KIAA1549L: variants seen among roughly 807,000 people sequenced by gnomAD.
KIAA1549L encodes UPF0606 protein KIAA1549L.
A neutral mutation model predicts 160.7 loss-of-function variants in KIAA1549L; 88 were observed. The observed-to-expected ratio is 0.55, with a 90% confidence interval of 0.46 to 0.65. The LOEUF (loss-of-function observed/expected upper bound fraction) is 0.65. KIAA1549L is among the 30% of genes least tolerant of loss of function. The pLI is 0.00. For missense variants in KIAA1549L, 2,258 were observed against 2,437.5 expected, an observed-to-expected ratio of 0.93 and a Z score of 1.55; for synonymous variants, 950 against 976.7, an observed-to-expected ratio of 0.97 and a Z score of 0.51.
At chr11:33,608,846 C>A (rs1226680839) in intron 14 of KIAA1549L, among the ~76,000 whole-genome samples, 1 of 152,238 alleles carries the variant, frequency 6.6e-6, no homozygotes, top group Non-Finnish European at 1.5e-5. Context: ...GAGCCTGACA[C>A]AGATTGTCTT....
chr11:33,657,117 G>C (rs1852092135), intron 18 of KIAA1549L, among the ~76,000 whole-genome samples: 1 of 151,500 alleles, frequency 6.6e-6, no homozygotes, highest in Non-Finnish European at 1.5e-5. Context: ...GGAACAGTGT[G>C]TGGGAAGCCA....
At chr11:33,445,150 A>G (rs1029934778) in intron 1 of KIAA1549L, among the ~76,000 whole-genome samples, 4 of 152,310 alleles carry the variant, frequency 2.6e-5, no homozygotes, top group African/African-American at 9.6e-5. Flanking sequence ...GGGCAGGGCC[A>G]TGGTGAGGAA....
chr11:33,452,944 C>T (rs1851751108), intron 1 of KIAA1549L, among the ~76,000 whole-genome samples: 1 of 152,210 alleles, frequency 6.6e-6, no homozygotes, highest in Non-Finnish European at 1.5e-5. Context: ...CCTGCGGACA[C>T]ACTCCCTCCT....
chr11:33,622,746 G>A (rs548514656), intron 16 of KIAA1549L, among the ~76,000 whole-genome samples: 2 of 152,190 alleles, frequency 1.3e-5, no homozygotes, highest in Non-Finnish European at 1.5e-5. Flanking sequence ...AGGCAAAAGC[G>A]AGAGGAGAGA....
intron 17 of KIAA1549L, among the ~76,000 whole-genome samples, chr11:33,654,590 G>T (rs549846606): frequency 6.6e-6 from 1 of 152,316 alleles, no homozygotes; most frequent in South Asian, 2.1e-4. Flanking sequence ...TGTGTTGGAG[G>T]TGAGTGCCTC....
chr11:33,420,238 T>G (rs1590232208), intron 1 of KIAA1549L, among the ~76,000 whole-genome samples: 1 of 148,070 alleles, frequency 6.8e-6, no homozygotes, highest in African/African-American at 2.5e-5. Context: ...TTTTTTTGTT[T>G]TTTTTTTTTT....
intron 13 of KIAA1549L, among the ~76,000 whole-genome samples, chr11:33,600,133 A>T (rs1464983312): frequency 6.6e-6 from 1 of 152,186 alleles, no homozygotes; most frequent in Non-Finnish European, 1.5e-5. Context: ...TTTAAAGTTT[A>T]AACTGTCATA....
intron 1 of KIAA1549L, among the ~76,000 whole-genome samples, chr11:33,452,970 T>G (rs951185390): frequency 2.0e-5 from 3 of 152,244 alleles, no homozygotes; most frequent in Non-Finnish European, 4.4e-5. Context: ...TTTTGGTGAC[T>G]CAGACATGGC....
At chr11:33,612,514 T>C (rs7927745) in intron 15 of KIAA1549L, among the ~76,000 whole-genome samples, 113,609 of 152,140 alleles carry the variant, frequency 0.75, 43,529 homozygotes, top group African/African-American at 0.93. Context: ...GCCTTGGCCT[T>C]CCAGAGTGCT....
intron 1 of KIAA1549L, among the ~76,000 whole-genome samples, chr11:33,427,506 G>T (rs1851143491): frequency 6.6e-6 from 1 of 152,080 alleles, no homozygotes; most frequent in Non-Finnish European, 1.5e-5. Flanking sequence ...CCCCTTCGCT[G>T]CTATACTCCC....
intron 1 of KIAA1549L, among the ~76,000 whole-genome samples, chr11:33,532,402 GC>G (rs1353398650): frequency 6.6e-6 from 1 of 152,078 alleles, no homozygotes; most frequent in South Asian, 2.1e-4. Flanking sequence ...AATAATAACA[GC>G]AACAGTAGTA....
At chr11:33,603,423 G>A (rs994254632) in intron 13 of KIAA1549L, among the ~76,000 whole-genome samples, 1 of 152,102 alleles carries the variant, frequency 6.6e-6, no homozygotes, top group Admixed American at 6.6e-5. Context: ...AGAGAACTGG[G>A]CATATAGAGA....
At chr11:33,650,085 C>A (rs1851842632) in intron 17 of KIAA1549L, among the ~76,000 whole-genome samples, 1 of 152,142 alleles carries the variant, frequency 6.6e-6, no homozygotes, top group South Asian at 2.1e-4. Context: ...GCACCAGTCA[C>A]TGTTGACAGA....
chr11:33,402,878 T>A (rs919387517), intron 1 of KIAA1549L, among the ~76,000 whole-genome samples: 2 of 152,210 alleles, frequency 1.3e-5, no homozygotes, highest in African/African-American at 4.8e-5. Context: ...GGACTTCCTC[T>A]TGCTGCTAGG....
intron 7 of KIAA1549L, among the ~76,000 whole-genome samples, chr11:33,560,789 A>G (rs187688004): frequency 1.3e-3 from 199 of 152,356 alleles, no homozygotes; most frequent in African/African-American, 4.6e-3. Context: ...GTAAATAAAC[A>G]AGATAATACG....
Position 33,609,729 on chromosome 11 carries a change from G to C in KIAA1549L, c.5062-20G>C. The C allele has an allele frequency of 1.3e-6, 2 of 1,583,526 alleles. No individual in the cohort carries two copies. The highest frequency in any genetic ancestry group is 1.7e-6 in the Non-Finnish European group (2 of 1,164,480). On this transcript the variant is annotated intron_variant, in intron 14 of 20. Coordinates refer to ENST00000658780, the MANE Select transcript of KIAA1549L (RefSeq NM_012194.3). Reference sequence around the variant, plus strand: ...GCCCCACTGGGTCAGGTTTGGGCCTGAGACTGCCTCTCTCCCCAGGTGAAC... The same window carrying C: ...GCCCCACTGGGTCAGGTTTGGGCCTCAGACTGCCTCTCTCCCCAGGTGAAC...
chr11:33,457,745 G>A (rs557194682), intron 1 of KIAA1549L, among the ~76,000 whole-genome samples: 1 of 152,196 alleles, frequency 6.6e-6, no homozygotes, highest in Non-Finnish European at 1.5e-5. Context: ...TCGAGGTGGT[G>A]ATGTCTTCTG....
intron 8 of KIAA1549L, among the ~76,000 whole-genome samples, chr11:33,567,229 T>G (rs1383914852): frequency 6.6e-6 from 1 of 152,206 alleles, no homozygotes; most frequent in Non-Finnish European, 1.5e-5. Flanking sequence ...GGGTGTTCCC[T>G]TTACCTTCCT....
At chr11:33,571,400 A>G (rs193283224) in intron 9 of KIAA1549L, among the ~76,000 whole-genome samples, 1 of 152,310 alleles carries the variant, frequency 6.6e-6, no homozygotes, top group Admixed American at 6.5e-5. Flanking sequence ...GTGTCTAGAA[A>G]GTGATTAGGC....
Sources: gnomAD v4.1 joint callset for allele counts (sites outside exome capture counted in the v4.1 genomes callset) on GRCh38, gnomAD v4.1.1 for gene constraint, MANE v1.5 for transcripts, NCBI Gene and HGNC (gene_info 2026-07-23, HGNC 2026-07-21) for gene names.